GRIN2B: variants seen among roughly 807,000 people sequenced by gnomAD.
GRIN2B encodes glutamate receptor ionotropic, NMDA 2B.
In GRIN2B, 5 loss-of-function variants were observed where a neutral mutation model predicts 114.5. The ratio of observed to expected loss-of-function variants is 0.04; its 90% CI spans 0.02 to 0.09. The LOEUF (loss-of-function observed/expected upper bound fraction) is 0.09. Among genes scored for constraint, GRIN2B ranks in the 10% least tolerant of loss-of-function variants. GRIN2B has a pLI of 1.00. For synonymous variants in GRIN2B, 787 were observed against 745.1 expected (o/e 1.06, Z -0.92); for missense variants, 1,108 against 1,943.5 (o/e 0.57, Z 8.08).
intron 2 of GRIN2B, among the ~76,000 whole-genome samples, chr12:13,921,678 C>A (rs1204880673): frequency 6.6e-6 from 1 of 152,086 alleles, no homozygotes; most frequent in Non-Finnish European, 1.5e-5. Flanking sequence ...TCTCTGTGAA[C>A]AGCAAGTCAG....
intron 4 of GRIN2B, among the ~76,000 whole-genome samples, chr12:13,696,290 A>G (rs1950258266): frequency 6.6e-6 from 1 of 152,214 alleles, no homozygotes; most frequent in African/African-American, 2.4e-5. Context: ...ATGTAACAAA[A>G]GGTGTGTAAC....
chr12:13,626,803 C>A (rs1203600262), intron 5 of GRIN2B, among the ~76,000 whole-genome samples: 2 of 1,066 alleles, frequency 1.9e-3, no homozygotes, highest in East Asian at 0.083. Flanking sequence ...CTGACTCACT[C>A]TCCCCCCCTC....
chr12:13,564,174 G>A lies in GRIN2B; in HGVS notation c.3064C>T (p.Pro1022Ser). 1 of 1,614,136 alleles carries A rather than the reference G, an allele frequency of 6.2e-7. No individual in the cohort carries two copies. Among genetic ancestry groups the A allele is most frequent in the African/African-American group, 1.3e-5 (1 of 75,040 alleles). ...TTQSRSISKK[P>S]LDIGLPSSKH... ...GAGGAGGGGAGGCCGATGTCCAGGG[G>A]CTTCTTGCTGATGGACCTGGACTGG... is the stretch of plus-strand genomic sequence containing the variant. The change falls in exon 14 of 14, where the codon CCC (proline) becomes TCC (serine). Residue 1022 changes from proline to serine, a missense_variant. Coordinates refer to ENST00000609686, the MANE Select transcript of GRIN2B (RefSeq NM_000834.5). This position sits in a 1 kb window ranked among gnomAD's most constrained non-coding sequence, Gnocchi z 4.8.
At position 13,538,201 on chromosome 12, in the gene GRIN2B, G is replaced by T. The variant is rs559910466; in HGVS notation, c.*24582C>A. The T allele has an allele frequency of 1.7e-3, 259 of 152,364 alleles. No homozygotes were observed. The highest frequency in any genetic ancestry group is 6.8e-3 in the Middle Eastern group (2 of 294). The allele number at this position is 152,364 out of a possible 1,614,324, so 9.4% of individuals were successfully genotyped here. ...CATCTTTCCGGAACAGTTGGCTGATGGGGACACAACCGGGTGCTCCCTCAG... is the reference window on the plus strand; with the variant it reads ...CATCTTTCCGGAACAGTTGGCTGATTGGGACACAACCGGGTGCTCCCTCAG... On this transcript the variant is annotated 3_prime_UTR_variant, in exon 14 of 14. Transcript: ENST00000609686.
At chr12:13,813,849 GC>G (rs1864774854) in intron 3 of GRIN2B, among the ~76,000 whole-genome samples, 1 of 152,288 alleles carries the variant, frequency 6.6e-6, no homozygotes, top group East Asian at 1.9e-4. Flanking sequence ...GTCTTGAGTT[GC>G]TTTCTTTTTT....
At chr12:13,682,977 A>T (rs12303916) in intron 4 of GRIN2B, among the ~76,000 whole-genome samples, 23,283 of 152,200 alleles carry the variant, frequency 0.15, 2,143 homozygotes, top group Middle Eastern at 0.21. Flanking sequence ...ACCTCCCTCC[A>T]GAAAGATGCT....
intron 2 of GRIN2B, among the ~76,000 whole-genome samples, chr12:13,873,795 G>T (rs1865950741): frequency 6.6e-6 from 1 of 152,088 alleles, no homozygotes; most frequent in Non-Finnish European, 1.5e-5. Context: ...AGGGATCCTT[G>T]GTCCTGGAGT....
chr12:13,865,864 A>C lies in GRIN2B; in HGVS notation c.345T>G (p.Ile115Met). 6.2e-7 allele frequency: 1 copy of C among 1,613,992 alleles called. No homozygotes were observed. The highest frequency in any genetic ancestry group is 8.5e-7 in the Non-Finnish European group (1 of 1,179,946). Residue 115 changes from isoleucine to methionine, a missense_variant, in exon 3 of 14, where the codon ATT (isoleucine) becomes ATG (methionine). Transcript: ENST00000609686. ...GGATGGGGGTGAGAGTCTGTGCTGA[A>C]ATGAAATCGAGGATCTGGGCGATGG... ...QEAIAQILDF[I>M]SAQTLTPILG...
intron 2 of GRIN2B, among the ~76,000 whole-genome samples, chr12:13,895,970 T>A (rs1866345686): frequency 1.3e-5 from 2 of 152,204 alleles, no homozygotes; most frequent in African/African-American, 4.8e-5. Context: ...TGATAGGCTT[T>A]TACCAAATAC....
chr12:13,755,350 C>T (rs548529485), intron 3 of GRIN2B, among the ~76,000 whole-genome samples: 8 of 152,186 alleles, frequency 5.3e-5, no homozygotes, highest in East Asian at 3.9e-4. Flanking sequence ...GAGCTGCCAG[C>T]CCCTGGCTCT....
intron 4 of GRIN2B, among the ~76,000 whole-genome samples, chr12:13,732,554 C>T (rs1024115966): frequency 1.3e-5 from 2 of 152,206 alleles, no homozygotes; most frequent in African/African-American, 4.8e-5. Context: ...TATCCCTCTA[C>T]TATAGCATTT....
At chr12:13,712,763 G>A (rs146820231) in intron 4 of GRIN2B, among the ~76,000 whole-genome samples, 29 of 151,904 alleles carry the variant, frequency 1.9e-4, no homozygotes, top group Middle Eastern at 3.4e-3. Context: ...AAAGTATAGG[G>A]CGTATGTTTT....
intron 4 of GRIN2B, among the ~76,000 whole-genome samples, chr12:13,704,181 C>T (rs369134342): frequency 1.3e-5 from 2 of 151,998 alleles, no homozygotes; most frequent in Non-Finnish European, 2.9e-5. Flanking sequence ...ATGCTGAGAC[C>T]GGGAGGCTGA....
intron 3 of GRIN2B, among the ~76,000 whole-genome samples, chr12:13,860,287 G>GT (rs1407854935): frequency 6.6e-6 from 1 of 152,096 alleles, no homozygotes; most frequent in Non-Finnish European, 1.5e-5. Context: ...AAAATGAAAA[G>GT]TGCTATTGAA....
At chr12:13,745,161 T>C (rs1863356206) in intron 4 of GRIN2B, among the ~76,000 whole-genome samples, 1 of 152,158 alleles carries the variant, frequency 6.6e-6, no homozygotes, top group Non-Finnish European at 1.5e-5. Context: ...TCATGTTAGT[T>C]AAGTTGACCT....
chr12:13,575,673 C>CAACAATAATAATAATAATAATAATAAT (rs113820666), intron 10 of GRIN2B, among the ~76,000 whole-genome samples: 1 of 147,640 alleles, frequency 6.8e-6, no homozygotes, highest in Admixed American at 6.7e-5. Context: ...ATGATAACAA[C>CAACAATAATAATAATAATAATAATAAT]AATAATAATA....
chr12:13,742,727 G>T (rs1020775087), intron 4 of GRIN2B, among the ~76,000 whole-genome samples: 4 of 152,156 alleles, frequency 2.6e-5, no homozygotes, highest in African/African-American at 9.7e-5. Flanking sequence ...CACTGTGCCC[G>T]GCTTAGAACT....
chr12:13,808,743 T>TG (rs1864663514), intron 3 of GRIN2B, among the ~76,000 whole-genome samples: 2 of 115,042 alleles, frequency 1.7e-5, no homozygotes, highest in Admixed American at 1.6e-4. Flanking sequence ...TAAAGTATAA[T>TG]AAAAAAAAAA....
chr12:13,809,976 C>T (rs1351661473), intron 3 of GRIN2B, among the ~76,000 whole-genome samples: 1 of 152,252 alleles, frequency 6.6e-6, no homozygotes, highest in East Asian at 1.9e-4. Flanking sequence ...GATCTTCTTG[C>T]TCTGCCTTGA....
Sources: gnomAD v4.1 joint callset for allele counts (sites outside exome capture counted in the v4.1 genomes callset) on GRCh38, gnomAD v4.1.1 for gene constraint, Gnocchi (gnomAD v3.1) non-coding constraint, MANE v1.5 for transcripts, NCBI Gene and HGNC (gene_info 2026-07-23, HGNC 2026-07-21) for gene names.